Variants in IL26 observed in about 807,000 individuals in gnomAD.
IL26 encodes the protein interleukin-26.
Under a neutral mutation model 21.7 loss-of-function variants are expected in IL26, and 23 were observed. That is an observed-to-expected ratio of 1.06 (90% confidence interval 0.76 to 1.50). The LOEUF is 1.50. Ranked by LOEUF, IL26 falls within the 40% of genes most tolerant of loss-of-function variation. The pLI is 0.00. For synonymous variants in IL26, 63 were observed against 67.8 expected, an observed-to-expected ratio of 0.93 and a Z score of 0.34; for missense variants, 204 against 196.0, an observed-to-expected ratio of 1.04 and a Z score of -0.24.
Position 68,224,660 on chromosome 12 carries a change from AAG to A in IL26, c.363+487_363+488del, listed in dbSNP as rs1325435953. 1.1e-3 allele frequency among the ~76,000 whole-genome samples: 158 copies of A among 143,148 alleles called. 2 individuals are homozygous for A. Among genetic ancestry groups the A allele is most frequent in the Non-Finnish European group, 2.1e-3 (139 of 65,836 alleles). 93.9% of individuals were successfully genotyped at this position (143,148 alleles called of 152,430 possible). A position where few individuals can be genotyped will look rare whatever the true frequency, so the allele number is the denominator to read the frequency against. On this transcript the variant is annotated intron_variant, in intron 3 of 4. Coordinates refer to ENST00000229134, the MANE Select transcript of IL26 (RefSeq NM_018402.2). ...AAGAAGGAAGGAAGGAAAAGAAAGA[AAG>A]AGAGAGGGAGGGAAGGAGGGTGGAG...
chr12:68,211,089 C>A (rs1334900550), intron 3 of IL26, among the ~76,000 whole-genome samples: 1 of 152,294 alleles, frequency 6.6e-6, no homozygotes, highest in South Asian at 2.1e-4. Flanking sequence ...TCTTGCCACA[C>A]CCCTACCTCT....
chr12:68,223,723 C>T (rs999311423), intron 3 of IL26, among the ~76,000 whole-genome samples: 3 of 152,144 alleles, frequency 2.0e-5, no homozygotes, highest in Admixed American at 1.3e-4. Flanking sequence ...CCAGAGAATT[C>T]TCCCTGTGTT....
intron 3 of IL26, among the ~76,000 whole-genome samples, chr12:68,212,247 T>A (rs1472840924): frequency 1.3e-5 from 2 of 152,150 alleles, no homozygotes; most frequent in African/African-American, 4.8e-5. Context: ...ATGTTTTTTG[T>A]TTTTAATGCC....
chr12:68,220,414 TTG>T (rs1426817775), intron 3 of IL26, among the ~76,000 whole-genome samples: 1 of 152,176 alleles, frequency 6.6e-6, no homozygotes, highest in Non-Finnish European at 1.5e-5. Flanking sequence ...ATGTAATTCA[TTG>T]TTTCAATTGT....
At chr12:68,208,805 T>C (rs908023143) in intron 3 of IL26, among the ~76,000 whole-genome samples, 1 of 152,210 alleles carries the variant, frequency 6.6e-6, no homozygotes, top group Non-Finnish European at 1.5e-5. Flanking sequence ...CAGCCAGCAT[T>C]TTCAATGAGC....
At chr12:68,215,661 C>T (rs1868854473) in intron 3 of IL26, among the ~76,000 whole-genome samples, 1 of 151,884 alleles carries the variant, frequency 6.6e-6, no homozygotes, top group African/African-American at 2.4e-5. Flanking sequence ...ACCAATTACT[C>T]ATAATTTATT....
chr12:68,224,929 G>C (rs1869193469), intron 3 of IL26, among the ~76,000 whole-genome samples: 1 of 152,150 alleles, frequency 6.6e-6, no homozygotes, highest in Non-Finnish European at 1.5e-5. Context: ...TCTTCAGTGT[G>C]TTTTATGAGC....
intron 3 of IL26, among the ~76,000 whole-genome samples, chr12:68,224,555 G>T (rs1474550463): frequency 1.3e-5 from 2 of 150,660 alleles, no homozygotes; most frequent in Admixed American, 1.3e-4. Context: ...ATAAGAAAAA[G>T]GGCATCAGTT....
At chr12:68,211,464 T>C (rs1868727443) in intron 3 of IL26, among the ~76,000 whole-genome samples, 2 of 152,264 alleles carry the variant, frequency 1.3e-5, no homozygotes, top group African/African-American at 2.4e-5. Context: ...ATACTTTCAG[T>C]TTTTTGAGGA....
chr12:68,221,435 T>C lies in IL26; in HGVS notation c.363+3714A>G, dbSNP rs562560605. Among the ~76,000 whole-genome samples the C allele has an allele frequency of 4.6e-5, 7 of 152,270 alleles. No individual in the cohort carries two copies. The South Asian group carries it at 6.2e-4, about 14-fold the overall frequency. ...TTATTTCATCACCTTTATCAAATAG[T>C]AATGAGTGACACAATGTTGCCTATG... On this transcript the variant is annotated intron_variant, in intron 3 of 4. Transcript: ENST00000229134.
chr12:68,214,008 T>C (rs1868805816), intron 3 of IL26, among the ~76,000 whole-genome samples: 1 of 152,150 alleles, frequency 6.6e-6, no homozygotes, highest in Admixed American at 6.5e-5. Flanking sequence ...AACTTCCCTC[T>C]TAGGACTGCT....
At position 68,201,678 on chromosome 12, in the gene IL26, T is replaced by C; in HGVS notation, c.*167A>G. Reference sequence around the variant, plus strand: ...ATGTGCAAATTAGTGACAACTTATATCCAAAACGTTAATTTACTAAATCCT... The same window carrying C: ...ATGTGCAAATTAGTGACAACTTATACCCAAAACGTTAATTTACTAAATCCT... On this transcript the variant is annotated 3_prime_UTR_variant, in exon 5 of 5. Coordinates refer to ENST00000229134, the MANE Select transcript of IL26 (RefSeq NM_018402.2). The C allele has an allele frequency of 2.1e-6, 1 of 477,282 alleles. No individual in the cohort carries two copies. The highest frequency in any genetic ancestry group is 3.7e-6 in the Non-Finnish European group (1 of 270,728). The allele number at this position is 477,282 out of a possible 1,614,324, so 29.6% of individuals were successfully genotyped here.
At chr12:68,207,696 C>T (rs1868581588) in intron 3 of IL26, among the ~76,000 whole-genome samples, 1 of 152,118 alleles carries the variant, frequency 6.6e-6, no homozygotes, top group African/African-American at 2.4e-5. Context: ...AACCAAAAGG[C>T]AGCAGACAGG....
chr12:68,221,932 T>C (rs1051738727), intron 3 of IL26, among the ~76,000 whole-genome samples: 5 of 152,244 alleles, frequency 3.3e-5, no homozygotes, highest in Admixed American at 2.0e-4. Flanking sequence ...AGTACTTTGC[T>C]CTTGATATGT....
rs11571044 is a variant in IL26, at chr12:68,208,445, C to T, written c.364-6362G>A. The stretch of plus-strand genomic sequence containing the variant: ...TGTGCTCCCTTTGCAGCACCAATCA[C>T]AACTTGAGACTAGCCAAGATGGGAA... On this transcript the variant is annotated intron_variant, in intron 3 of 4. Transcript: ENST00000229134. Among the ~76,000 whole-genome samples, 1,065 of 152,282 alleles carry T rather than the reference C, an allele frequency of 7.0e-3. 13 individuals are homozygous for T. The highest frequency in any genetic ancestry group is 0.024 in the African/African-American group (1,015 of 41,536).
At chr12:68,216,487 T>A (rs1402235010) in intron 3 of IL26, among the ~76,000 whole-genome samples, 1 of 152,204 alleles carries the variant, frequency 6.6e-6, no homozygotes, top group Non-Finnish European at 1.5e-5. Flanking sequence ...GCAGAACTAC[T>A]ACATGCTAGG....
At chr12:68,216,696 T>C (rs1868895331) in intron 3 of IL26, among the ~76,000 whole-genome samples, 1 of 152,234 alleles carries the variant, frequency 6.6e-6, no homozygotes, top group African/African-American at 2.4e-5. Context: ...CTATTTGCAA[T>C]TGATGATACA....
intron 3 of IL26, among the ~76,000 whole-genome samples, chr12:68,215,155 T>C (rs1868840491): frequency 1.3e-5 from 2 of 152,188 alleles, no homozygotes; most frequent in South Asian, 2.1e-4. Flanking sequence ...AACTATACTT[T>C]AACTCCATCC....
chr12:68,218,825 C>A (rs187632691), intron 3 of IL26, among the ~76,000 whole-genome samples: 3 of 151,718 alleles, frequency 2.0e-5, no homozygotes, highest in African/African-American at 7.3e-5. Context: ...ATAAAAGGCA[C>A]GAATATGTTA....
Sources: allele counts gnomAD v4.1 joint callset (sites outside exome capture counted in the v4.1 genomes callset), GRCh38; gene constraint gnomAD v4.1.1; transcripts MANE v1.5; gene names NCBI Gene and HGNC (gene_info 2026-07-23, HGNC 2026-07-21).